CCDC57: variants seen among roughly 807,000 people sequenced by gnomAD.
The protein encoded by CCDC57 is coiled-coil domain containing 57.
CCDC57 carries 118 observed loss-of-function variants against 118.9 expected under a neutral mutation model. The ratio of observed to expected loss-of-function variants is 0.99; its 90% CI spans 0.86 to 1.16. The LOEUF (loss-of-function observed/expected upper bound fraction) is 1.16. Ranked by LOEUF, CCDC57 falls within the 50% of genes most tolerant of loss-of-function variation. The pLI, the probability that CCDC57 is intolerant of heterozygous loss-of-function variation, is 0.00. For synonymous variants in CCDC57, 527 were observed against 532.9 expected (o/e 0.99, Z 0.15); for missense variants, 1,300 against 1,320.7 (o/e 0.98, Z 0.24).
intron 3 of CCDC57, among the ~76,000 whole-genome samples, chr17:82,199,711 G>A (rs1048902681): frequency 1.3e-5 from 2 of 152,148 alleles, no homozygotes; most frequent in Non-Finnish European, 2.9e-5. Context: ...GCACGGACTC[G>A]GCGCCCAGAC....
chr17:82,201,727 C>T (rs776885930), exon 3 of CCDC57: 4 of 1,613,972 alleles, frequency 2.5e-6, no homozygotes, highest in Admixed American at 3.3e-5. Context: ...GGCGTCATAG[C>T]GCTCCAGCTC....
intron 16 of CCDC57, among the ~76,000 whole-genome samples, chr17:82,138,889 C>T (rs1037375455): frequency 6.6e-6 from 1 of 152,244 alleles, no homozygotes; most frequent in African/African-American, 2.4e-5. Flanking sequence ...AACCCCGTCA[C>T]TGCCGTTACG....
At chr17:82,153,103 G>A (rs1169398143) in intron 15 of CCDC57, among the ~76,000 whole-genome samples, 1 of 152,172 alleles carries the variant, frequency 6.6e-6, no homozygotes, top group Non-Finnish European at 1.5e-5. Flanking sequence ...TGGCAAGTGT[G>A]GTGCAGAGGC....
rs760919070 is a variant in CCDC57, at chr17:82,163,341, A to C, written c.1899T>G (p.Ala633=). 4 of 1,613,808 alleles carry C rather than the reference A, an allele frequency of 2.5e-6. No homozygotes were observed. The African/African-American group carries it at 5.3e-5, about 22-fold the overall frequency. Residue 633 remains alanine, a synonymous_variant, in exon 14 of 20, where the codon GCT becomes GCG. Coordinates refer to ENST00000665763, the Ensembl canonical transcript of CCDC57. ...CTTGGACAGACCCTCCGGCTTGACC[A>C]GCTTGGGCAGACCCTCCTGCAGAGA...
intron 19 of CCDC57, chr17:82,107,666 C>T (rs953434168): frequency 2.2e-6 from 1 of 459,746 alleles, no homozygotes; most frequent in Non-Finnish European, 4.5e-6. Flanking sequence ...GAAGAAACAC[C>T]CCCTGCTGTC....
In CCDC57 at chr17:82,212,620, G is replaced by A. The variant is rs1170678451; in HGVS notation, c.-211+165C>T. Among the ~76,000 whole-genome samples the A allele has an allele frequency of 6.6e-6, 1 of 151,766 alleles. No homozygotes were observed. Among genetic ancestry groups the A allele is most frequent in the African/African-American group, 2.4e-5 (1 of 41,308 alleles). On this transcript the variant is annotated intron_variant, in intron 1 of 19. Coordinates refer to ENST00000665763, the Ensembl canonical transcript of CCDC57. This position sits in a 1 kb window ranked among gnomAD's most constrained non-coding sequence, Gnocchi z 4.1. Reference sequence around the variant, plus strand: ...CCGCAGCCTCCGCGAGGGGATCCCCGGTCCGGGCCTGGCCGAGCTCTGAGG... The same window carrying A: ...CCGCAGCCTCCGCGAGGGGATCCCCAGTCCGGGCCTGGCCGAGCTCTGAGG...
intron 8 of CCDC57, 135 bp downstream of exon 7, chr17:82,188,084 T>A: frequency 3.3e-6 from 2 of 609,188 alleles, no homozygotes; most frequent in South Asian, 2.8e-5. Context: ...TTAAGAAAAG[T>A]GACTGAGAGC....
At chr17:82,204,524 C>T (rs535906802) in intron 2 of CCDC57, among the ~76,000 whole-genome samples, 1 of 152,210 alleles carries the variant, frequency 6.6e-6, no homozygotes, top group Non-Finnish European at 1.5e-5. Context: ...TGGCTCATGC[C>T]TGTAATCCCA....
Position 82,127,936 on chromosome 17 carries a change from C to T in CCDC57, c.2683-28G>A, listed in dbSNP as rs1282446223. On this transcript the variant is annotated intron_variant, in intron 18 of 19. Transcript: ENST00000665763. ...AGAAAAGACATCATCGTCTTGAAAG[C>T]CACCCTCTCCAACCCAGAGGAAGCC... 1.9e-6 allele frequency: 3 copies of T among 1,609,034 alleles called. No individual in the cohort carries two copies. The Admixed American group carries it at 5.1e-5, about 27-fold the overall frequency.
chr17:82,162,463 C>T (rs1381338910), intron 14 of CCDC57, among the ~76,000 whole-genome samples: 1 of 152,238 alleles, frequency 6.6e-6, no homozygotes, highest in African/African-American at 2.4e-5. Flanking sequence ...AAGGCAAGGG[C>T]CCAGGAGGTT....
chr17:82,188,626 C>T (rs1462564624), intron 7 of CCDC57, among the ~76,000 whole-genome samples: 1 of 152,272 alleles, frequency 6.6e-6, no homozygotes, highest in African/African-American at 2.4e-5. Context: ...AGGCCCCTGG[C>T]CTGCCCTCCA....
At chr17:82,148,399 G>A (rs1361334011) in intron 16 of CCDC57, among the ~76,000 whole-genome samples, 174 of 18,460 alleles carry the variant, frequency 9.4e-3, no homozygotes, top group Non-Finnish European at 0.011. Flanking sequence ...ATGAATGGGT[G>A]GGTGGATGGA....
chr17:82,157,660 C>T (rs1037978574), intron 15 of CCDC57, 88 bp downstream of exon 14: 5 of 1,490,000 alleles, frequency 3.4e-6, no homozygotes, highest in Non-Finnish European at 4.5e-6. Flanking sequence ...CCAGGGCATA[C>T]AGACAGCAAC....
chr17:82,127,219 T>C, intron 19 of CCDC57: 4 of 985,418 alleles, frequency 4.1e-6, no homozygotes, highest in Non-Finnish European at 4.8e-6. Flanking sequence ...CTGACACTTG[T>C]CTGGCCCGTG....
At chr17:82,124,411 G>A (rs776315382) in intron 19 of CCDC57, among the ~76,000 whole-genome samples, 44 of 152,148 alleles carry the variant, frequency 2.9e-4, no homozygotes, top group Non-Finnish European at 5.0e-4. Flanking sequence ...TAAAATCAAC[G>A]ACACGACTCT....
intron 16 of CCDC57, among the ~76,000 whole-genome samples, chr17:82,151,109 C>G (rs2041957645): frequency 3.5e-5 from 4 of 113,964 alleles, no homozygotes; most frequent in Admixed American, 9.3e-5. Context: ...AGAACCTGAC[C>G]CACACCCAGA....
chr17:82,115,723 G>T (rs755209675), intron 19 of CCDC57, among the ~76,000 whole-genome samples: 1 of 150,444 alleles, frequency 6.6e-6, no homozygotes, highest in Admixed American at 6.6e-5. Flanking sequence ...AGCTGAGATC[G>T]CACCACTGCA....
At position 82,139,713 on chromosome 17, in the gene CCDC57, A is replaced by G. The variant is rs1023953993; in HGVS notation, c.2456-5519T>C. ...CCCAGAAAGCTCAGAGTGCTTCTTC[A>G]TCTTGAACAGGGACTGTCTCAGAGC... On this transcript the variant is annotated intron_variant, in intron 16 of 19. Coordinates refer to ENST00000665763, the Ensembl canonical transcript of CCDC57. 3.0e-5 allele frequency among the ~76,000 whole-genome samples: 4 copies of G among 134,938 alleles called. No individual in the cohort carries two copies. The Admixed American group carries it at 3.2e-4, about 11-fold the overall frequency. 88.5% of individuals were successfully genotyped at this position (134,938 alleles called of 152,430 possible).
intron 16 of CCDC57, among the ~76,000 whole-genome samples, chr17:82,136,046 A>G (rs947460949): frequency 6.6e-6 from 1 of 152,188 alleles, no homozygotes; most frequent in African/African-American, 2.4e-5. Flanking sequence ...GCTGGTGGGC[A>G]TGGGAGGCGG....
Sources: allele counts gnomAD v4.1 joint callset (sites outside exome capture counted in the v4.1 genomes callset), GRCh38; gene constraint gnomAD v4.1.1; non-coding constraint Gnocchi (gnomAD v3.1); transcripts MANE v1.5; gene names NCBI Gene and HGNC (gene_info 2026-07-23, HGNC 2026-07-21).